The following TBC1D32 variants were observed in gnomAD, a reference collection of about 807,000 sequenced individuals.
The protein encoded by TBC1D32 is TBC1 domain family member 32, also known as protein broad-minded.
A neutral mutation model predicts 170.3 loss-of-function variants in TBC1D32; 151 were observed. The observed-to-expected ratio is 0.89, with a 90% confidence interval of 0.78 to 1.01. The LOEUF (loss-of-function observed/expected upper bound fraction) is 1.01. Among genes scored for constraint, TBC1D32 ranks in the 50% least tolerant of loss-of-function variants. TBC1D32 has a pLI of 0.00. For synonymous variants in TBC1D32, 498 were observed against 488.0 expected (o/e 1.02, Z -0.27); for missense variants, 1,464 against 1,457.1 (o/e 1.00, Z -0.08).
chr6:121,205,153 T>C lies in TBC1D32; in HGVS notation c.2492A>G (p.Asp831Gly), dbSNP rs770566250. ...TTCAGAATTCAAAATTATAAGTCTATCAATAATATCCTGAAAAAGACAGAC... is the reference window on the plus strand; with the variant it reads ...TTCAGAATTCAAAATTATAAGTCTACCAATAATATCCTGAAAAAGACAGAC... ...EVPTCVIDIIDRLIILNSEAK... is the reference protein window; with the variant it reads ...EVPTCVIDIIGRLIILNSEAK... Residue 831 changes from aspartate (D) to glycine (G), a missense_variant, in exon 22 of 32, where the codon GAT becomes GGT. Transcript: ENST00000398212. The C allele has an allele frequency of 6.9e-7, 1 of 1,450,410 alleles. No homozygotes were observed. Among genetic ancestry groups the C allele is most frequent in the Non-Finnish European group, 9.4e-7 (1 of 1,064,448 alleles). The allele number at this position is 1,450,410 out of a possible 1,614,324, so 89.8% of individuals were successfully genotyped here.
At chr6:121,133,380 T>A (rs899687148) in intron 24 of TBC1D32, among the ~76,000 whole-genome samples, 6 of 151,978 alleles carry the variant, frequency 3.9e-5, no homozygotes, top group African/African-American at 1.4e-4. Flanking sequence ...AGTCCTCCTG[T>A]GTGGATATAA....
intron 8 of TBC1D32, 69 bp from the exon 9 acceptor site, chr6:121,303,830 A>G: frequency 9.3e-7 from 1 of 1,070,424 alleles, no homozygotes; most frequent in Non-Finnish European, 1.3e-6. Context: ...TATTCATGGA[A>G]TGATAAAGTA....
intron 20 of TBC1D32, among the ~76,000 whole-genome samples, chr6:121,237,598 G>GA (rs1179851162): frequency 5.9e-5 from 9 of 151,700 alleles, no homozygotes; most frequent in Non-Finnish European, 5.9e-5. Flanking sequence ...CTATTGATCT[G>GA]ATTCAAGTTC....
intron 20 of TBC1D32, chr6:121,224,573 T>G (rs1035436823): frequency 6.6e-6 from 1 of 152,098 alleles, no homozygotes; most frequent in African/African-American, 2.4e-5. Context: ...ACTCAGAAAG[T>G]TGGTAGCAAA....
intron 19 of TBC1D32, 147 bp downstream of exon 19, chr6:121,241,318 G>C: frequency 1.5e-6 from 1 of 667,206 alleles, no homozygotes; most frequent in Non-Finnish European, 2.5e-6. Flanking sequence ...AGAAAATCCT[G>C]TAACTTTCTT....
intron 15 of TBC1D32, among the ~76,000 whole-genome samples, chr6:121,275,705 A>C (rs543481238): frequency 3.9e-5 from 6 of 152,330 alleles, no homozygotes; most frequent in African/African-American, 1.4e-4. Context: ...GGCAGGATCT[A>C]CAAGATATAA....
Position 121,112,730 on chromosome 6 carries a change from A to C in TBC1D32, c.3170-71T>G, listed in dbSNP as rs912276191. On this transcript the variant is annotated intron_variant, in intron 28 of 31. Transcript: ENST00000398212. ...AATATTAAAATTCTGTAAATAAAAT[A>C]AAATGAATATATTAAATAAAAAGCA... The C allele has an allele frequency of 8.0e-6, 10 of 1,247,686 alleles. No homozygotes were observed. The African/African-American group carries it at 1.1e-4, about 14-fold the overall frequency. 77.3% of individuals were successfully genotyped at this position (1,247,686 alleles called of 1,614,324 possible). A position where few individuals can be genotyped will look rare whatever the true frequency, so the allele number is the denominator to read the frequency against.
chr6:121,149,619 T>C (rs1188151548), intron 24 of TBC1D32, among the ~76,000 whole-genome samples: 1 of 152,150 alleles, frequency 6.6e-6, no homozygotes, highest in Non-Finnish European at 1.5e-5. Context: ...GGTCTATATA[T>C]TTGTTTTGGT....
chr6:121,311,078 A>C (rs902515473), intron 3 of TBC1D32, among the ~76,000 whole-genome samples: 1 of 152,190 alleles, frequency 6.6e-6, no homozygotes, highest in African/African-American at 2.4e-5. Flanking sequence ...ATTATTTGCC[A>C]AGCAATTAAA....
chr6:121,297,248 G>GGGTT (rs1805789474), intron 10 of TBC1D32, among the ~76,000 whole-genome samples: 1 of 151,934 alleles, frequency 6.6e-6, no homozygotes, highest in Non-Finnish European at 1.5e-5. Flanking sequence ...AAAATAGACA[G>GGGTT]AAATTTGCTA....
chr6:121,144,602 A>T (rs1783184355), intron 24 of TBC1D32, among the ~76,000 whole-genome samples: 6 of 152,138 alleles, frequency 3.9e-5, no homozygotes, highest in Admixed American at 3.9e-4. Flanking sequence ...GAGTATTAAA[A>T]ATTTATCTGA....
rs1793974961 is a variant in TBC1D32 at position 121,217,464 on chromosome 6, T to C, written c.2481+5772A>G. Reference sequence around the variant, plus strand: ...AAATGTGGACATATATACCATAGAATACTATGCAGCATTTAAGAAGAACAA... The same window carrying C: ...AAATGTGGACATATATACCATAGAACACTATGCAGCATTTAAGAAGAACAA... On this transcript the variant is annotated intron_variant, in intron 21 of 31. Transcript: ENST00000398212. Among the ~76,000 whole-genome samples, 4 of 152,228 alleles carry C rather than the reference T, an allele frequency of 2.6e-5. No individual in the cohort carries two copies. In the South Asian group the frequency reaches 8.3e-4, roughly 31 times the overall value.
chr6:121,103,349 G>GATA (rs1443090017), intron 30 of TBC1D32, among the ~76,000 whole-genome samples: 2 of 151,968 alleles, frequency 1.3e-5, no homozygotes, highest in African/African-American at 4.8e-5. Flanking sequence ...ATCCATCAAT[G>GATA]ATAGACTCGA....
At chr6:121,237,622 T>C (rs915877631) in intron 20 of TBC1D32, among the ~76,000 whole-genome samples, 42 of 152,114 alleles carry the variant, frequency 2.8e-4, no homozygotes, top group African/African-American at 7.2e-4. Context: ...ACTTCTTCTA[T>C]TATGTTTAAA....
chr6:121,126,519 C>T, intron 25 of TBC1D32, 58 bp from the exon 26 acceptor site: 1 of 1,271,760 alleles, frequency 7.9e-7, no homozygotes, highest in Non-Finnish European at 1.1e-6. Context: ...TGTGACAATG[C>T]ATCCTTAAAT....
chr6:121,277,399 A>T lies in TBC1D32; in HGVS notation c.1733+1722T>A, dbSNP rs1467250099. Among the ~76,000 whole-genome samples, 9 of 149,836 alleles carry T rather than the reference A, an allele frequency of 6.0e-5. No individual in the cohort carries two copies. In the South Asian group the frequency reaches 8.5e-4, roughly 14 times the overall value. ...GCTACTTGGGAGGTTGAGGCACTAGAATCGCTTGAACCCAGAAGGTGGAGT... is the reference window on the plus strand; with the variant it reads ...GCTACTTGGGAGGTTGAGGCACTAGTATCGCTTGAACCCAGAAGGTGGAGT... On this transcript the variant is annotated intron_variant, in intron 15 of 31. Coordinates refer to ENST00000398212, the MANE Select transcript of TBC1D32 (RefSeq NM_152730.6).
chr6:121,199,234 C>A (rs909745222), intron 22 of TBC1D32, among the ~76,000 whole-genome samples: 2 of 151,198 alleles, frequency 1.3e-5, no homozygotes, highest in East Asian at 1.9e-4. Context: ...AAAACACCTA[C>A]GTGTGTAAAA....
chr6:121,223,717 G>A (rs1455643021), intron 20 of TBC1D32, among the ~76,000 whole-genome samples: 1 of 152,026 alleles, frequency 6.6e-6, no homozygotes, highest in Non-Finnish European at 1.5e-5. Flanking sequence ...AATAATTAGG[G>A]ACTCTGGGGC....
chr6:121,252,943 T>C lies in TBC1D32; in HGVS notation c.2018+2385A>G, dbSNP rs112245974. ...AACCAGATCCTCATCTCTCACCTTA[T>C]ATAAAAATCAACACATGATGGATCA... On this transcript the variant is annotated intron_variant, in intron 17 of 31. Transcript: ENST00000398212. Among the ~76,000 whole-genome samples, 3 of 152,210 alleles carry C rather than the reference T, an allele frequency of 2.0e-5. 1 individual carries two copies. The highest frequency in any genetic ancestry group is 7.2e-5 in the African/African-American group (3 of 41,540).
Sources: gnomAD v4.1 joint callset for allele counts (sites outside exome capture counted in the v4.1 genomes callset) on GRCh38, gnomAD v4.1.1 for gene constraint, MANE v1.5 for transcripts, NCBI Gene and HGNC (gene_info 2026-07-23, HGNC 2026-07-21) for gene names.